OGA: variants seen among roughly 807,000 people sequenced by gnomAD.
OGA encodes the protein protein O-GlcNAcase.
In OGA, 21 loss-of-function variants were observed where a neutral mutation model predicts 102.0. The ratio of observed to expected loss-of-function variants is 0.21; its 90% confidence interval spans 0.15 to 0.30. The LOEUF is 0.30. OGA is among the 10% of genes least tolerant of loss of function. OGA has a pLI of 1.00. For missense variants in OGA, 765 were observed against 1,107.8 expected (o/e 0.69, Z 4.39); for synonymous variants, 408 against 378.2 (o/e 1.08, Z -0.91).
intron 1 of OGA, among the ~76,000 whole-genome samples, chr10:101,816,972 C>T (rs1020265080): frequency 1.3e-5 from 2 of 152,152 alleles, no homozygotes; most frequent in Non-Finnish European, 2.9e-5. Context: ...GGCCAAAATA[C>T]TTCAGAAAAT....
At chr10:101,801,323 CA>C (rs2065388542) in intron 7 of OGA, among the ~76,000 whole-genome samples, 3 of 149,452 alleles carry the variant, frequency 2.0e-5, no homozygotes, top group Middle Eastern at 3.2e-3. Flanking sequence ...ACCCAGGTGT[CA>C]AAGGTTGCAG....
chr10:101,802,018 G>A (rs553324424), intron 7 of OGA, among the ~76,000 whole-genome samples: 17 of 152,178 alleles, frequency 1.1e-4, no homozygotes, highest in East Asian at 1.9e-4. Context: ...GGTGGTGTGC[G>A]CCAGTAATCC....
chr10:101,804,099 C>A, intron 6 of OGA, 80 bp from the exon 7 acceptor site: 1 of 1,311,658 alleles, frequency 7.6e-7, no homozygotes, highest in Non-Finnish European at 1.1e-6. Context: ...AATCCCAGCA[C>A]TCTGGGAGGC....
chr10:101,812,827 CATG>C (rs1260827746), intron 3 of OGA, 200 bp downstream of exon 3: 1 of 643,534 alleles, frequency 1.6e-6, no homozygotes, highest in Non-Finnish European at 2.9e-6. Context: ...CTAGCACGCC[CATG>C]ATATCACACA....
rs538856339 is a variant in OGA, at chr10:101,795,957, G to T, written c.1985-1959C>A. 24 of 940,966 alleles carry T rather than the reference G, an allele frequency of 2.6e-5. No individual in the cohort carries two copies. The Admixed American group carries it at 1.2e-3, about 48-fold the overall frequency. The allele number at this position is 940,966 out of a possible 1,614,324, so 58.3% of individuals were successfully genotyped here. ...GGAAAGCTACCACCATAAATGCTCA[G>T]TGCAGAGATAAACCCTGAGAAGAGA... On this transcript the variant is annotated intron_variant, in intron 10 of 15. Transcript: ENST00000361464.
At chr10:101,800,144 A>G (rs1049969648) in intron 8 of OGA, 98 bp downstream of exon 8, 5 of 1,355,532 alleles carry the variant, frequency 3.7e-6, no homozygotes, top group African/African-American at 1.5e-5. Context: ...AAGTGCTGAG[A>G]TTACAGGTGT....
rs563698756 is a variant in OGA at position 101,810,323 on chromosome 10, C to G, written c.350-9G>C. On this transcript the variant is annotated splice_polypyrimidine_tract_variant and intron_variant, in intron 3 of 15. Coordinates refer to ENST00000361464, the MANE Select transcript of OGA (RefSeq NM_012215.5). ...GAGAGTCATAAGTTGCTCTAAAGAA[C>G]AGAGTCTATGTTTTTAGAAAGCAGA... The G allele has an allele frequency of 1.2e-5, 19 of 1,602,782 alleles. No individual in the cohort carries two copies. The East Asian group carries it at 4.3e-4, about 36-fold the overall frequency.
Position 101,798,925 on chromosome 10 carries a change from C to A in OGA, c.1726G>T (p.Ala576Ser). ...YLPYEHGPKG[A>S]QMLREFQWLR... ...CATTGAAATTCCCGTAACATCTGTG[C>A]TCCTTTGGGTCCATGCTCGTAAGGA... Residue 576 changes from alanine (A) to serine (S), a missense_variant, in exon 9 of 16, where the codon GCA (alanine) becomes TCA (serine). This residue lies in a region of OGA where 281 missense variants were observed against 345.8 expected (regional missense o/e 0.81). Coordinates refer to ENST00000361464, the MANE Select transcript of OGA (RefSeq NM_012215.5). 1 of 1,614,158 alleles carries A rather than the reference C, an allele frequency of 6.2e-7. No individual in the cohort carries two copies. Among genetic ancestry groups the A allele is most frequent in the South Asian group, 1.1e-5 (1 of 91,084 alleles).
chr10:101,791,195 A>G (rs2065255901), intron 13 of OGA, 107 bp from the exon 14 acceptor site: 1 of 1,290,748 alleles, frequency 7.7e-7, no homozygotes, highest in Non-Finnish European at 1.1e-6. Flanking sequence ...CGGAACCTAC[A>G]TTTGGTGTAA....
Position 101,799,395 on chromosome 10 carries a change from G to T in OGA, c.1256C>A (p.Ala419Glu), listed in dbSNP as rs954177211. The change falls in exon 9 of 16, where the codon GCA becomes GAA. Residue 419 changes from alanine to glutamate, a missense_variant. Coordinates refer to ENST00000361464, the MANE Select transcript of OGA (RefSeq NM_012215.5). ...GGTTGTGGCATTTAAAGAGGGTGCT[G>T]CAACTAAAGGAGTCCCATCAACTAC... ...ASVVDGTPLV[A>E]APSLNATTVV... 1 of 1,613,966 alleles carries T rather than the reference G, an allele frequency of 6.2e-7. No homozygotes were observed. Among genetic ancestry groups the T allele is most frequent in the African/African-American group, 1.3e-5 (1 of 74,902 alleles).
At chr10:101,802,978 T>TAAA (rs764237378) in intron 7 of OGA, among the ~76,000 whole-genome samples, 2 of 68,596 alleles carry the variant, frequency 2.9e-5, no homozygotes, top group African/African-American at 1.2e-4. Flanking sequence ...GTCTCTACTT[T>TAAA]AAAAAAAAAA....
intron 4 of OGA, among the ~76,000 whole-genome samples, chr10:101,809,924 T>C (rs916963606): frequency 8.6e-5 from 13 of 151,856 alleles, no homozygotes; most frequent in Admixed American, 7.2e-4. Context: ...GCACCTATAG[T>C]CCCAGCTACT....
At position 101,787,644 on chromosome 10, in the gene OGA, T is replaced by A. The variant is rs1198008033; in HGVS notation, c.2455-121A>T. 7.6e-6 allele frequency: 6 copies of A among 786,928 alleles called. No homozygotes were observed. In the East Asian group the frequency reaches 1.3e-4, roughly 17 times the overall value. 48.7% of individuals were successfully genotyped at this position (786,928 alleles called of 1,614,324 possible). On this transcript the variant is annotated intron_variant, in intron 14 of 15. Coordinates refer to ENST00000361464, the MANE Select transcript of OGA (RefSeq NM_012215.5). ...ACTCTTCCAGTCACTATGTAAATTA[T>A]CTCACACAGGATTATCCTATAATTC...
chr10:101,810,072 A>G, intron 4 of OGA, 112 bp downstream of exon 4: 1 of 1,128,206 alleles, frequency 8.9e-7, no homozygotes, highest in Non-Finnish European at 1.2e-6. Context: ...AAACAAAAAA[A>G]GAAAACAAAG....
chr10:101,791,937 C>T (rs770283859), intron 12 of OGA, among the ~76,000 whole-genome samples: 33 of 152,168 alleles, frequency 2.2e-4, no homozygotes, highest in Non-Finnish European at 4.3e-4. Flanking sequence ...AGTAATTCTC[C>T]GGCCTCAGCC....
intron 3 of OGA, among the ~76,000 whole-genome samples, chr10:101,811,406 G>GAAAAAAA (rs67433227): frequency 3.3e-4 from 15 of 45,708 alleles, no homozygotes; most frequent in Non-Finnish European, 4.1e-4. Flanking sequence ...GAAAAAAAAT[G>GAAAAAAA]AAAAAAAAAA....
chr10:101,807,963 C>T (rs533894366), intron 4 of OGA, 62 bp from the exon 5 acceptor site: 5 of 1,274,748 alleles, frequency 3.9e-6, no homozygotes, highest in Admixed American at 2.7e-5. Context: ...AACATTACAG[C>T]GTTAACAGTT....
At chr10:101,790,862 A>G in intron 14 of OGA, 34 bp downstream of exon 14, 1 of 1,411,326 alleles carries the variant, frequency 7.1e-7, no homozygotes, top group Non-Finnish European at 9.6e-7. Context: ...AAAAAAGACC[A>G]TTACCATAGT....
At position 101,787,386 on chromosome 10, in the gene OGA, G is replaced by A. The variant is rs1345799556; in HGVS notation, c.2592C>T (p.Leu864=). Residue 864 remains leucine (L), a synonymous_variant, in exon 15 of 16, where the codon CTC becomes CTT. Transcript: ENST00000361464. ...PSVAKSMMAC[L]LSSLKANGSR... is the part of the protein sequence containing the mutation. ...CACCATTAGCCTTCAGTGAAGACAG[G>A]AGGCAAGCCATCATGCTTTTGGCCA... 1.2e-6 allele frequency: 2 copies of A among 1,613,410 alleles called. No homozygotes were observed. The highest frequency in any genetic ancestry group is 1.7e-6 in the Non-Finnish European group (2 of 1,179,482).
Sources: allele counts gnomAD v4.1 joint callset (sites outside exome capture counted in the v4.1 genomes callset), GRCh38; gene constraint gnomAD v4.1.1; regional missense constraint gnomAD v4.1.1; transcripts MANE v1.5; gene names NCBI Gene and HGNC (gene_info 2026-07-23, HGNC 2026-07-21).